TMEM87A: variants seen among roughly 807,000 people sequenced by gnomAD.
The protein encoded by TMEM87A is Golgi-pH regulating cation channel.
A neutral mutation model predicts 90.0 loss-of-function variants in TMEM87A; 50 were observed. The ratio of observed to expected loss-of-function variants is 0.56; its 90% CI spans 0.44 to 0.70. The LOEUF is 0.70. TMEM87A is among the 30% of genes least tolerant of loss of function. TMEM87A has a pLI of 0.00. For missense variants in TMEM87A, 577 were observed against 660.5 expected, an observed-to-expected ratio of 0.87 and a Z score of 1.39; for synonymous variants, 226 against 226.7, an observed-to-expected ratio of 1.00 and a Z score of 0.03.
At chr15:42,247,257 C>T (rs188736196) in intron 6 of TMEM87A, among the ~76,000 whole-genome samples, 135 of 152,214 alleles carry the variant, frequency 8.9e-4, no homozygotes, top group East Asian at 3.7e-3. Flanking sequence ...TTCACTCTGA[C>T]GGTAGTTTCT....
At chr15:42,238,793 G>A (rs913447351) in intron 8 of TMEM87A, among the ~76,000 whole-genome samples, 2 of 140,588 alleles carry the variant, frequency 1.4e-5, no homozygotes, top group East Asian at 2.1e-4. Context: ...TTCAGCTCAC[G>A]ATCTAAAATT....
intron 6 of TMEM87A, among the ~76,000 whole-genome samples, chr15:42,254,585 C>A (rs576303781): frequency 6.6e-6 from 1 of 152,248 alleles, no homozygotes; most frequent in South Asian, 2.1e-4. Context: ...ATATTACTAA[C>A]TGAAAGAAGC....
intron 1 of TMEM87A, 29 bp from the exon 2 acceptor site, chr15:42,272,152 C>T: frequency 6.5e-7 from 1 of 1,535,314 alleles, no homozygotes; most frequent in Non-Finnish European, 8.9e-7. Context: ...GATAATTAGC[C>T]TCAGATGGCT....
chr15:42,243,975 A>T, intron 7 of TMEM87A, 75 bp downstream of exon 7: 2 of 872,176 alleles, frequency 2.3e-6, no homozygotes, highest in Non-Finnish European at 3.4e-6. Context: ...AATACCTAAT[A>T]AAAAAGCATA....
chr15:42,238,015 G>C (rs1211932372), intron 8 of TMEM87A, among the ~76,000 whole-genome samples: 2 of 150,492 alleles, frequency 1.3e-5, no homozygotes, highest in African/African-American at 4.9e-5. Flanking sequence ...ATGTGTGTGT[G>C]TGTGTGTGTG....
At chr15:42,260,747 G>A (rs1045202523) in intron 6 of TMEM87A, among the ~76,000 whole-genome samples, 5 of 152,084 alleles carry the variant, frequency 3.3e-5, no homozygotes, top group Non-Finnish European at 5.9e-5. Flanking sequence ...CAATACATGT[G>A]TACAGTAGAA....
intron 15 of TMEM87A, among the ~76,000 whole-genome samples, chr15:42,221,013 G>A (rs1009825969): frequency 1.3e-5 from 2 of 152,020 alleles, no homozygotes; most frequent in Non-Finnish European, 2.9e-5. Flanking sequence ...GGAGGTGCAC[G>A]CCTGTAATTC....
intron 4 of TMEM87A, among the ~76,000 whole-genome samples, chr15:42,261,461 G>T (rs2051289570): frequency 1.3e-5 from 2 of 152,002 alleles, no homozygotes; most frequent in Admixed American, 6.6e-5. Flanking sequence ...AACCAAAATG[G>T]CCATTCAATT....
chr15:42,240,940 C>A (rs2050855783), intron 7 of TMEM87A, among the ~76,000 whole-genome samples: 2 of 152,216 alleles, frequency 1.3e-5, no homozygotes, highest in African/African-American at 4.8e-5. Flanking sequence ...TTTGCTTACT[C>A]TATGCCTTGG....
chr15:42,259,504 T>C (rs2051249344), intron 6 of TMEM87A, among the ~76,000 whole-genome samples: 1 of 152,174 alleles, frequency 6.6e-6, no homozygotes, highest in African/African-American at 2.4e-5. Context: ...GATCACCCAG[T>C]GTCAACAACC....
In TMEM87A at chr15:42,264,125, AT is replaced by A; in HGVS notation, c.369del (p.Lys123AsnfsTer26). ...AAGAGTTCACTGCAGTTCTGGAACA[AT>A]TTTGATGATGTTTGATATTTCCCAG... Reference protein sequence around the residue: ...GLSGKYQTSSKLFQNCSELFK... With the variant: ...GLSGKYQTSSXLFQNCSELFK... On this transcript the variant is annotated frameshift_variant, in exon 4 of 20. Coordinates refer to ENST00000389834, the MANE Select transcript of TMEM87A (RefSeq NM_015497.5). LOFTEE classifies it high-confidence loss of function. The A allele has an allele frequency of 3.1e-6, 5 of 1,613,776 alleles. No individual in the cohort carries two copies. Among genetic ancestry groups the A allele is most frequent in the Non-Finnish European group, 4.2e-6 (5 of 1,179,842 alleles).
intron 12 of TMEM87A, among the ~76,000 whole-genome samples, chr15:42,229,869 A>G (rs2050658145): frequency 6.6e-6 from 1 of 152,206 alleles, no homozygotes; most frequent in African/African-American, 2.4e-5. Context: ...TCTGTCACTC[A>G]GGCTGGAGTG....
chr15:42,212,663 T>C (rs1003868128), intron 19 of TMEM87A, among the ~76,000 whole-genome samples: 3 of 152,236 alleles, frequency 2.0e-5, no homozygotes, highest in African/African-American at 7.2e-5. Flanking sequence ...GAACATCAAT[T>C]ATTTTACTTC....
At chr15:42,219,751 C>T (rs1158462749) in intron 16 of TMEM87A, 109 bp from the exon 17 acceptor site, 3 of 734,108 alleles carry the variant, frequency 4.1e-6, no homozygotes, top group African/African-American at 1.8e-5. Context: ...CCCAAAGTTA[C>T]TTATCATAGT....
In TMEM87A at chr15:42,231,255, C is replaced by T; in HGVS notation, c.1068G>A (p.Gln356=). 1 of 1,574,372 alleles carries T rather than the reference C, an allele frequency of 6.4e-7. No homozygotes were observed. The highest frequency in any genetic ancestry group is 8.6e-7 in the Non-Finnish European group (1 of 1,164,556). ...MEGVLRVTGA[Q]TDLASLAFIP... is the part of the protein sequence containing the mutation. ...TAAAGGCCAAGGAAGCAAGATCAGT[C>T]TGGGCCTGCAGACAAAGAAAAAGAA... The change falls in exon 12 of 20, where the codon CAG becomes CAA. Residue 356 remains glutamine, a synonymous_variant. Coordinates refer to ENST00000389834, the MANE Select transcript of TMEM87A (RefSeq NM_015497.5).
chr15:42,217,324 A>G (rs975479650), intron 19 of TMEM87A, among the ~76,000 whole-genome samples: 18 of 152,226 alleles, frequency 1.2e-4, no homozygotes, highest in African/African-American at 4.3e-4. Flanking sequence ...AAAAGATTAA[A>G]AACATAAATA....
chr15:42,259,315 G>A (rs2051245196), intron 6 of TMEM87A, among the ~76,000 whole-genome samples: 1 of 152,124 alleles, frequency 6.6e-6, no homozygotes, highest in Non-Finnish European at 1.5e-5. Context: ...TAGAGACGGG[G>A]TTTCACCACG....
At chr15:42,217,922 C>CT in intron 18 of TMEM87A, 89 bp from the exon 19 acceptor site, 1 of 1,315,610 alleles carries the variant, frequency 7.6e-7, no homozygotes, top group Non-Finnish European at 1.1e-6. Flanking sequence ...CAATTAAAAG[C>CT]TTTATAATTA....
At chr15:42,213,234 C>T (rs139649596) in intron 19 of TMEM87A, among the ~76,000 whole-genome samples, 7 of 152,296 alleles carry the variant, frequency 4.6e-5, no homozygotes, top group East Asian at 1.9e-4. Context: ...GGAACCTGCA[C>T]GAGAGACTGT....
Sources: allele counts gnomAD v4.1 joint callset (sites outside exome capture counted in the v4.1 genomes callset), GRCh38; gene constraint gnomAD v4.1.1; transcripts MANE v1.5; gene names NCBI Gene and HGNC (gene_info 2026-07-23, HGNC 2026-07-21).